GNB1L: variants seen among roughly 807,000 people sequenced by gnomAD.
The protein encoded by GNB1L is G protein subunit beta 1 like, also known as guanine nucleotide-binding protein subunit beta-like protein 1.
A neutral mutation model predicts 29.1 loss-of-function variants in GNB1L; 20 were observed. The ratio of observed to expected loss-of-function variants is 0.69; its 90% CI spans 0.48 to 1.00. The LOEUF (loss-of-function observed/expected upper bound fraction) is 1.00. Ranked by LOEUF, GNB1L falls within the 50% of genes least tolerant of loss-of-function variation. The pLI is 0.00. For missense variants in GNB1L, 421 were observed against 464.9 expected (o/e 0.91, Z 0.87); for synonymous variants, 193 against 206.5 (o/e 0.93, Z 0.56).
At chr22:19,809,659 T>C (rs779253015) in intron 5 of GNB1L, among the ~76,000 whole-genome samples, 7 of 152,192 alleles carry the variant, frequency 4.6e-5, no homozygotes, top group Middle Eastern at 3.2e-3. Context: ...TGCCTGTCTG[T>C]ATGCTCCCCT....
chr22:19,816,198 G>A lies in GNB1L; in HGVS notation c.255-3751C>T, dbSNP rs1461451988. ...TCTTTGCACTCCTTCCTTCCCTGGG[G>A]ACGAGGCCCAGGCCCATATTCCTCA... On this transcript the variant is annotated intron_variant, in intron 4 of 7. Coordinates refer to ENST00000329517, the MANE Select transcript of GNB1L (RefSeq NM_053004.3). This position sits in a 1 kb window ranked among gnomAD's most constrained non-coding sequence, Gnocchi z 4.4. Among the ~76,000 whole-genome samples the A allele has an allele frequency of 1.3e-5, 2 of 152,158 alleles. No homozygotes were observed. Among genetic ancestry groups the A allele is most frequent in the Non-Finnish European group, 2.9e-5 (2 of 68,030 alleles).
intron 2 of GNB1L, among the ~76,000 whole-genome samples, chr22:19,825,070 A>G (rs1199400699): frequency 6.6e-6 from 1 of 152,010 alleles, no homozygotes; most frequent in Non-Finnish European, 1.5e-5. Flanking sequence ...TGCCCACCCC[A>G]GCCCACCAGG....
chr22:19,806,547 G>C lies in GNB1L; in HGVS notation c.516+112C>G, dbSNP rs761958636. The C allele has an allele frequency of 1.7e-5, 11 of 661,512 alleles. No homozygotes were observed. In the Admixed American group the frequency reaches 1.9e-4, roughly 11 times the overall value. The allele number at this position is 661,512 out of a possible 1,614,324, so 41.0% of individuals were successfully genotyped here. A position where few individuals can be genotyped will look rare whatever the true frequency, so the allele number is the denominator to read the frequency against. On this transcript the variant is annotated intron_variant, in intron 6 of 7. Transcript: ENST00000329517. ...CAGCTGCACAGGTTCCCTGCGGCAG[G>C]GGGGTGGGGTGTTGCCTGAGTGGCT... is the stretch of plus-strand genomic sequence containing the variant.
chr22:19,848,894 TA>T, intron 2 of GNB1L: 1 of 985,228 alleles, frequency 1.0e-6, no homozygotes, highest in Non-Finnish European at 1.2e-6. Flanking sequence ...TGGGACAGGG[TA>T]AAGGTCAGCT....
rs763961869 is a variant in GNB1L at position 19,806,729 on chromosome 22, G to GTC, written c.444_445dup (p.Thr149ArgfsTer7). 6.2e-7 allele frequency: 1 copy of GTC among 1,613,256 alleles called. No individual in the cohort carries two copies. Among genetic ancestry groups the GTC allele is most frequent in the African/African-American group, 1.3e-5 (1 of 75,036 alleles). On this transcript the variant is annotated frameshift_variant, in exon 6 of 8. Transcript: ENST00000329517. LOFTEE classifies it high-confidence loss of function. The stretch of plus-strand genomic sequence containing the variant: ...CTTCGGCTTCAGGGCGCACACTGAC[G>GTC]TCTTGGAGGGCATCTCCAGAATCTG...
At position 19,848,997 on chromosome 22, in the gene GNB1L, T is replaced by A. The variant is rs1460141131; in HGVS notation, c.-21+5446A>T. The A allele has an allele frequency of 3.0e-6, 3 of 985,496 alleles. No individual in the cohort carries two copies. In the African/African-American group the frequency reaches 5.2e-5, roughly 17 times the overall value. 61.0% of individuals were successfully genotyped at this position (985,496 alleles called of 1,614,324 possible). On this transcript the variant is annotated intron_variant, in intron 2 of 7. Transcript: ENST00000329517. ...GGCCACAGTGCACTGGAGGTAGGCA[T>A]CAGGGAGCAGTCTGACCCAACCCAC...
In GNB1L at chr22:19,812,284, C is replaced by A; in HGVS notation, c.417+1G>T. ...GGGGCCTCAGGCAGGCTGGCTCTCA[C>A]CTCGTCGCTGCCCCTCCCTGGCACG... On this transcript the variant is annotated splice_donor_variant, in intron 5 of 7. Transcript: ENST00000329517. LOFTEE classifies it high-confidence loss of function. 1 of 1,611,922 alleles carries A rather than the reference C, an allele frequency of 6.2e-7. No homozygotes were observed. Among genetic ancestry groups the A allele is most frequent in the Non-Finnish European group, 8.5e-7 (1 of 1,179,328 alleles).
At chr22:19,812,257 AT>A in intron 5 of GNB1L, 27 bp downstream of exon 5, 1 of 1,606,612 alleles carries the variant, frequency 6.2e-7, no homozygotes, top group Non-Finnish European at 8.5e-7. Context: ...TTTGGAGAAC[AT>A]GGGGCCTCAG....
chr22:19,802,297 T>C, intron 6 of GNB1L, 81 bp from the exon 7 acceptor site: 1 of 1,086,114 alleles, frequency 9.2e-7, no homozygotes, highest in Admixed American at 1.9e-5. Context: ...CTCTGGAAAT[T>C]CCTGCCCCTC....
At chr22:19,789,082 C>G in intron 7 of GNB1L, 122 bp from the exon 8 acceptor site, 1 of 1,035,060 alleles carries the variant, frequency 9.7e-7, no homozygotes. Context: ...GATGTGAGGG[C>G]CACACGCTCC....
At chr22:19,853,230 C>G (rs566830169) in intron 2 of GNB1L, among the ~76,000 whole-genome samples, 23 of 151,822 alleles carry the variant, frequency 1.5e-4, no homozygotes, top group African/African-American at 5.6e-4. Context: ...TCCCAGCCCC[C>G]ACCATTGTAA....
At chr22:19,833,506 A>G (rs1937713367) in intron 2 of GNB1L, among the ~76,000 whole-genome samples, 1 of 152,066 alleles carries the variant, frequency 6.6e-6, no homozygotes, top group South Asian at 2.1e-4. Flanking sequence ...TCAAGGCTGC[A>G]GTGAGCTATG....
intron 4 of GNB1L, among the ~76,000 whole-genome samples, chr22:19,817,481 A>C (rs978149354): frequency 1.3e-5 from 2 of 152,088 alleles, no homozygotes; most frequent in African/African-American, 4.8e-5. Flanking sequence ...CTTTGTCTCA[A>C]AAAAAGAAAA....
chr22:19,828,113 T>A (rs570011196), intron 2 of GNB1L, among the ~76,000 whole-genome samples: 373 of 152,328 alleles, frequency 2.4e-3, no homozygotes, highest in African/African-American at 8.6e-3. Context: ...ACGTATCTGT[T>A]CAAGGATTCA....
chr22:19,800,486 A>C (rs935887479), intron 7 of GNB1L, among the ~76,000 whole-genome samples: 1 of 152,154 alleles, frequency 6.6e-6, no homozygotes, highest in Non-Finnish European at 1.5e-5. Flanking sequence ...AGTGCAAGGG[A>C]GACGCCCCTT....
In GNB1L at chr22:19,788,497, G is replaced by T; in HGVS notation, c.*212C>A. ...CAACGTCTCCTGCAGGCCTCGGACGGCCAGGGCTCTGGCTGGCCCCCAGAG... is the reference window on the plus strand; with the variant it reads ...CAACGTCTCCTGCAGGCCTCGGACGTCCAGGGCTCTGGCTGGCCCCCAGAG... On this transcript the variant is annotated 3_prime_UTR_variant, in exon 8 of 8. Coordinates refer to ENST00000329517, the MANE Select transcript of GNB1L (RefSeq NM_053004.3). The T allele has an allele frequency of 2.9e-6, 2 of 690,538 alleles. No homozygotes were observed. Among genetic ancestry groups the T allele is most frequent in the Admixed American group, 2.2e-5 (1 of 44,558 alleles). The allele number at this position is 690,538 out of a possible 1,614,324, so 42.8% of individuals were successfully genotyped here.
chr22:19,821,611 C>T (rs1173272052), intron 2 of GNB1L, among the ~76,000 whole-genome samples: 1 of 152,224 alleles, frequency 6.6e-6, no homozygotes, highest in African/African-American at 2.4e-5. Context: ...CTCACCCTTC[C>T]CCCACTGCTG....
chr22:19,854,055 G>C (rs1938176419), intron 2 of GNB1L, among the ~76,000 whole-genome samples: 1 of 152,234 alleles, frequency 6.6e-6, no homozygotes, highest in African/African-American at 2.4e-5. Flanking sequence ...AGCCAGGCCT[G>C]CTTTGGGCCT....
intron 5 of GNB1L, among the ~76,000 whole-genome samples, chr22:19,809,279 C>A (rs1042581318): frequency 6.6e-6 from 1 of 151,976 alleles, no homozygotes; most frequent in South Asian, 2.1e-4. Context: ...CATCAACCAG[C>A]GAGCGGAATG....
Sources: allele counts gnomAD v4.1 joint callset (sites outside exome capture counted in the v4.1 genomes callset), GRCh38; gene constraint gnomAD v4.1.1; non-coding constraint Gnocchi (gnomAD v3.1); transcripts MANE v1.5; gene names NCBI Gene and HGNC (gene_info 2026-07-23, HGNC 2026-07-21).